HS3ST4: variants seen among roughly 807,000 people sequenced by gnomAD.
HS3ST4 encodes the protein heparan sulfate glucosamine 3-O-sulfotransferase 4.
In HS3ST4, 17 loss-of-function variants were observed where a neutral mutation model predicts 29.2. That is an observed-to-expected ratio of 0.58 (90% CI 0.40 to 0.87). The LOEUF (loss-of-function observed/expected upper bound fraction) is 0.87, where lower values mean the gene tolerates loss of function less well. Ranked by LOEUF, HS3ST4 falls within the 40% of genes least tolerant of loss-of-function variation. HS3ST4 has a pLI of 0.00. For missense variants in HS3ST4, 627 were observed against 634.5 expected, an observed-to-expected ratio of 0.99 and a Z score of 0.13; for synonymous variants, 314 against 285.7, an observed-to-expected ratio of 1.10 and a Z score of -1.00.
intron 1 of HS3ST4, among the ~76,000 whole-genome samples, chr16:26,068,944 A>T (rs887454352): frequency 2.0e-5 from 3 of 151,990 alleles, no homozygotes; most frequent in African/African-American, 7.3e-5. Context: ...GCCAATATCT[A>T]TATTATTTAT....
In HS3ST4 at chr16:25,933,501, C is replaced by T. The variant is rs889285146; in HGVS notation, c.735-202111C>T. 17 of 450,498 alleles carry T rather than the reference C, an allele frequency of 3.8e-5. 1 individual carries two copies. Among genetic ancestry groups the T allele is most frequent in the East Asian group, 2.7e-4 (4 of 15,030 alleles). 27.9% of individuals were successfully genotyped at this position (450,498 alleles called of 1,614,324 possible). A position where few individuals can be genotyped will look rare whatever the true frequency, so the allele number is the denominator to read the frequency against. ...GAACACAAAATTTTAGATGCCACAG[C>T]GAGAGTAGGCCTCTCTTTATGAACT... On this transcript the variant is annotated intron_variant, in intron 1 of 1. Coordinates refer to ENST00000331351, the MANE Select transcript of HS3ST4 (RefSeq NM_006040.3).
chr16:26,023,214 A>G (rs1407730738), intron 1 of HS3ST4, among the ~76,000 whole-genome samples: 2 of 152,016 alleles, frequency 1.3e-5, no homozygotes, highest in African/African-American at 2.4e-5. Context: ...TTGATGCACC[A>G]TTTGTACCAC....
intron 1 of HS3ST4, among the ~76,000 whole-genome samples, chr16:25,869,714 A>G (rs1203375794): frequency 1.3e-5 from 2 of 152,154 alleles, no homozygotes; most frequent in African/African-American, 4.8e-5. Flanking sequence ...CAGAAACTCT[A>G]TCAGTAGGTG....
intron 1 of HS3ST4, among the ~76,000 whole-genome samples, chr16:26,103,905 C>G (rs562825458): frequency 1.1e-4 from 16 of 152,120 alleles, no homozygotes; most frequent in Non-Finnish European, 1.6e-4. Flanking sequence ...ATAGAGAAAG[C>G]CCATCTTTCA....
intron 1 of HS3ST4, among the ~76,000 whole-genome samples, chr16:26,075,174 A>AGAGT (rs1335458272): frequency 6.6e-6 from 1 of 152,178 alleles, no homozygotes; most frequent in Non-Finnish European, 1.5e-5. Context: ...GCCCGGCAAC[A>AGAGT]GAGTGAGACT....
intron 1 of HS3ST4, among the ~76,000 whole-genome samples, chr16:26,105,799 G>A (rs1899048377): frequency 6.6e-6 from 1 of 152,248 alleles, no homozygotes; most frequent in African/African-American, 2.4e-5. Flanking sequence ...CTGTTCAGAT[G>A]TTACCTCTAA....
At chr16:25,744,207 G>C (rs1966671797) in intron 1 of HS3ST4, among the ~76,000 whole-genome samples, 1 of 152,184 alleles carries the variant, frequency 6.6e-6, no homozygotes, top group Admixed American at 6.5e-5. Context: ...GCAATACAAG[G>C]TTGACTAATA....
intron 1 of HS3ST4, among the ~76,000 whole-genome samples, chr16:25,768,885 T>C (rs1157136563): frequency 6.6e-6 from 1 of 152,134 alleles, no homozygotes; most frequent in East Asian, 1.9e-4. Flanking sequence ...CTCAGCTGCA[T>C]TGCACTGGCT....
At chr16:25,754,404 G>A (rs991859043) in intron 1 of HS3ST4, among the ~76,000 whole-genome samples, 5 of 147,800 alleles carry the variant, frequency 3.4e-5, no homozygotes, top group East Asian at 2.1e-4. Context: ...ACCCACCCAC[G>A]TGTCTGTGGA....
chr16:25,795,744 A>G (rs954766249), intron 1 of HS3ST4, among the ~76,000 whole-genome samples: 2 of 152,160 alleles, frequency 1.3e-5, no homozygotes, highest in Non-Finnish European at 2.9e-5. Context: ...CAGGCATCTC[A>G]GACCATCATA....
chr16:25,861,598 A>C (rs1967637771), intron 1 of HS3ST4, among the ~76,000 whole-genome samples: 1 of 152,192 alleles, frequency 6.6e-6, no homozygotes, highest in Admixed American at 6.5e-5. Flanking sequence ...GTAATGCAAC[A>C]TACAGGCACC....
intron 1 of HS3ST4, among the ~76,000 whole-genome samples, chr16:26,083,127 T>C (rs1898743839): frequency 6.6e-6 from 1 of 152,200 alleles, no homozygotes; most frequent in African/African-American, 2.4e-5. Context: ...CTGACATAAT[T>C]AGCTGTGCCC....
intron 1 of HS3ST4, among the ~76,000 whole-genome samples, chr16:25,839,001 A>C (rs1057232848): frequency 1.3e-5 from 2 of 152,042 alleles, no homozygotes; most frequent in Non-Finnish European, 2.9e-5. Context: ...AGGTTTAGGG[A>C]CCTCTTCATT....
At chr16:25,782,131 G>A (rs1264767371) in intron 1 of HS3ST4, among the ~76,000 whole-genome samples, 4 of 152,122 alleles carry the variant, frequency 2.6e-5, no homozygotes, top group South Asian at 2.1e-4. Flanking sequence ...GTGTGAGAGC[G>A]CAGGAAAAAC....
At chr16:25,920,461 A>G (rs1968336445) in intron 1 of HS3ST4, among the ~76,000 whole-genome samples, 2 of 152,030 alleles carry the variant, frequency 1.3e-5, no homozygotes, top group African/African-American at 4.8e-5. Context: ...CAGAAGAATG[A>G]ATACACTGGT....
In HS3ST4 at chr16:25,892,271, T is replaced by A. The variant is rs1208482060; in HGVS notation, c.734+199120T>A. Among the ~76,000 whole-genome samples, 3 of 152,174 alleles carry A rather than the reference T, an allele frequency of 2.0e-5. No homozygotes were observed. In the East Asian group the frequency reaches 5.8e-4, roughly 29 times the overall value. ...GGGGCAGGCATGCGGCAAGCTGAAG[T>A]GGCCCCTGCAGGAGTGAGGAGGGCC... On this transcript the variant is annotated intron_variant, in intron 1 of 1. Coordinates refer to ENST00000331351, the MANE Select transcript of HS3ST4 (RefSeq NM_006040.3).
chr16:25,771,614 C>T (rs1966842306), intron 1 of HS3ST4, among the ~76,000 whole-genome samples: 1 of 152,160 alleles, frequency 6.6e-6, no homozygotes, highest in Non-Finnish European at 1.5e-5. Context: ...GAAGACTTCT[C>T]ATTGCTCTCC....
At chr16:25,889,639 C>T (rs1291912471) in intron 1 of HS3ST4, among the ~76,000 whole-genome samples, 5 of 152,150 alleles carry the variant, frequency 3.3e-5, no homozygotes, top group African/African-American at 1.2e-4. Context: ...GTCTGTTTAG[C>T]AAGGACCCAC....
intron 1 of HS3ST4, among the ~76,000 whole-genome samples, chr16:25,923,520 A>C (rs1471648933): frequency 6.6e-6 from 1 of 152,168 alleles, no homozygotes; most frequent in Admixed American, 6.5e-5. Context: ...GGTTTCTGTG[A>C]CTAAATTAGC....
Sources: gnomAD v4.1 joint callset for allele counts (sites outside exome capture counted in the v4.1 genomes callset) on GRCh38, gnomAD v4.1.1 for gene constraint, MANE v1.5 for transcripts, NCBI Gene and HGNC (gene_info 2026-07-23, HGNC 2026-07-21) for gene names.